SGSH: variants seen among roughly 807,000 people sequenced by gnomAD.
SGSH encodes heparan sulfate sulfatase.
SGSH carries 48 observed loss-of-function variants against 51.0 expected under a neutral mutation model. That is an observed-to-expected ratio of 0.94 (90% CI 0.75 to 1.20). SGSH has a LOEUF of 1.20. SGSH is among the 50% of genes most tolerant of loss of function. SGSH has a pLI of 0.00. For synonymous variants in SGSH, 321 were observed against 313.4 expected (o/e 1.02, Z -0.26); for missense variants, 662 against 717.8 (o/e 0.92, Z 0.89).
Position 80,214,233 on chromosome 17 carries a change from T to C in SGSH, c.602A>G (p.Glu201Gly). 1.9e-6 allele frequency: 3 copies of C among 1,613,076 alleles called. No homozygotes were observed. The highest frequency in any genetic ancestry group is 2.5e-6 in the Non-Finnish European group (3 of 1,179,986). Residue 201 changes from glutamate to glycine, a missense_variant, in exon 5 of 8, where the codon GAG (glutamate) becomes GGG (glycine). Physicochemically the swap from Glu to Gly is moderately conservative, Grantham distance 98 (BLOSUM62 -2). Transcript: ENST00000326317. ...GTFCEKFGNG[E>G]SGMGRIPDWT... ...GTCTGGGATACGACCCATGCCGCTC[T>C]CTCCGTTGCCAAACTTCTCACAGAA...
At chr17:80,218,702 G>A (rs148180969) in intron 1 of SGSH, among the ~76,000 whole-genome samples, 6 of 152,194 alleles carry the variant, frequency 3.9e-5, no homozygotes, top group East Asian at 1.9e-4. Flanking sequence ...AGAGTGTCTC[G>A]GCACTTGGCT....
At chr17:80,201,712 G>A in the SGSH span, 6 of 1,613,056 alleles carry the variant, frequency 3.7e-6, no homozygotes, top group Non-Finnish European at 5.1e-6. This position sits in a 1 kb window ranked among gnomAD's most constrained non-coding sequence, Gnocchi z 5.0. Flanking sequence ...AGTCCCGGGG[G>A]AAAGAGACTG....
At chr17:80,201,764 G>A, downstream of SGSH, 1 of 1,614,074 alleles carries the variant, frequency 6.2e-7, no homozygotes, top group Non-Finnish European at 8.5e-7. The surrounding 1 kb of genome is among the most constrained non-coding windows in gnomAD (Gnocchi z 5.0). Flanking sequence ...AAGCCTCAGA[G>A]CCCTTGTTCA....
In SGSH at chr17:80,220,301, C is replaced by T; in HGVS notation, c.13G>A (p.Val5Met). The T allele has an allele frequency of 6.6e-7, 1 of 1,505,462 alleles. No individual in the cohort carries two copies. The highest frequency in any genetic ancestry group is 1.2e-5 in the South Asian group (1 of 81,032). 93.3% of individuals were successfully genotyped at this position (1,505,462 alleles called of 1,614,324 possible). A position where few individuals can be genotyped will look rare whatever the true frequency, so the allele number is the denominator to read the frequency against. The change falls in exon 1 of 8, where the codon GTG (valine) becomes ATG (methionine). Residue 5 changes from valine (V) to methionine (M), a missense_variant. Coordinates refer to ENST00000326317, the MANE Select transcript of SGSH (RefSeq NM_000199.5). ...AGCAGCAGCGCGCAGCAGGCGGGCA[C>T]GGGGCAGCTCATGGCGGCGGCGGCT... is the stretch of plus-strand genomic sequence containing the variant. MSCP[V>M]PACCALLLVL...
intron 5 of SGSH, 118 bp downstream of exon 5, chr17:80,214,054 C>T (rs1207754764): frequency 1.8e-5 from 25 of 1,418,800 alleles, no homozygotes; most frequent in East Asian, 2.5e-5. Flanking sequence ...AACCTGAATC[C>T]GATTTGGTCA....
At chr17:80,202,346 C>T (rs570013402), downstream of SGSH, 2 of 1,613,514 alleles carry the variant, frequency 1.2e-6, no homozygotes, top group South Asian at 2.2e-5. Flanking sequence ...GCTGCGGCTG[C>T]TGGCATGCCC....
At chr17:80,208,793 C>T (rs117163845), downstream of SGSH, 486 of 154,702 alleles carry the variant, frequency 3.1e-3, 4 homozygotes, top group Middle Eastern at 0.01. Context: ...GCGGGTGGGG[C>T]GCCTGGGTGG....
rs2041706665 is a variant in SGSH at position 80,212,407 on chromosome 17, A to G, written c.746-133T>C. On this transcript the variant is annotated intron_variant, in intron 6 of 7. Coordinates refer to ENST00000326317, the MANE Select transcript of SGSH (RefSeq NM_000199.5). This position sits in a 1 kb window ranked among gnomAD's most constrained non-coding sequence, Gnocchi z 5.9. Reference sequence around the variant, plus strand: ...CTTTCCGGATTCGAAAGCACCCTGTAGTTCTTCCCAATGGCCCTGGCTCTT... The same window carrying G: ...CTTTCCGGATTCGAAAGCACCCTGTGGTTCTTCCCAATGGCCCTGGCTCTT... 2.6e-6 allele frequency: 2 copies of G among 778,244 alleles called. No individual in the cohort carries two copies. The highest frequency in any genetic ancestry group is 2.9e-5 in the South Asian group (2 of 67,914). 48.2% of individuals were successfully genotyped at this position (778,244 alleles called of 1,614,324 possible). A position where few individuals can be genotyped will look rare whatever the true frequency, so the allele number is the denominator to read the frequency against.
downstream of SGSH, chr17:80,203,060 G>C (rs2041073591): frequency 6.6e-6 from 1 of 152,482 alleles, no homozygotes; most frequent in South Asian, 2.1e-4. This position sits in a 1 kb window ranked among gnomAD's most constrained non-coding sequence, Gnocchi z 4.6. Context: ...CTGAGGTCAG[G>C]AGTTCGAGAC....
downstream of SGSH, chr17:80,208,546 C>T: frequency 1.9e-6 from 1 of 513,440 alleles, no homozygotes; most frequent in South Asian, 3.3e-5. Flanking sequence ...GCACACTTTT[C>T]TGTGGAAACA....
intron 3 of SGSH, 54 bp from the exon 4 acceptor site, chr17:80,214,819 G>C (rs761731699): frequency 4.0e-5 from 64 of 1,592,520 alleles, no homozygotes; most frequent in Non-Finnish European, 5.4e-5. Flanking sequence ...AACCCTTTCT[G>C]CTCCCTTCTC....
intron 1 of SGSH, 196 bp downstream of exon 1, chr17:80,220,030 C>T (rs534462641): frequency 8.3e-4 from 416 of 500,056 alleles, no homozygotes; most frequent in Non-Finnish European, 1.3e-3. Context: ...ACTCCTCCAG[C>T]CTTTGCTGCC....
downstream of SGSH, chr17:80,208,068 C>G (rs891985244): frequency 8.1e-7 from 1 of 1,241,328 alleles, no homozygotes; most frequent in African/African-American, 1.5e-5. Flanking sequence ...CATGTCATCA[C>G]TACCCTAGCC....
chr17:80,205,267 C>T, downstream of SGSH: 1 of 1,339,452 alleles, frequency 7.5e-7, no homozygotes, highest in South Asian at 1.3e-5. Context: ...TCCTCCCCTT[C>T]CTCCCTCCTT....
At chr17:80,203,756 G>A (rs923228143), downstream of SGSH, 14 of 1,300,202 alleles carry the variant, frequency 1.1e-5, no homozygotes, top group East Asian at 2.5e-5. This position sits in a 1 kb window ranked among gnomAD's most constrained non-coding sequence, Gnocchi z 4.6. Flanking sequence ...TCCCCTGCTC[G>A]GCTCTCCCCT....
At chr17:80,205,031 A>G (rs11653893), downstream of SGSH, 741,596 of 1,571,222 alleles carry the variant, frequency 0.47, 180,221 homozygotes, top group East Asian at 0.55. Context: ...CCTCTCCTCC[A>G]CAGGCTCCAG....
chr17:80,211,421 G>A (rs1179833363), intron 7 of SGSH: 4 of 313,706 alleles, frequency 1.3e-5, no homozygotes, highest in African/African-American at 6.5e-5. Flanking sequence ...GCTGTCCCGG[G>A]CCCACCCCAC....
chr17:80,213,886 C>A lies in SGSH; in HGVS notation c.664-1G>T, dbSNP rs1555621425. On this transcript the variant is annotated splice_acceptor_variant, in intron 5 of 7. Transcript: ENST00000326317. LOFTEE classifies it high-confidence loss of function. The surrounding 1 kb of genome is among the most constrained non-coding windows in gnomAD (Gnocchi z 4.6). ...GGGTGTTGGGGACGAAGTAAGGCACCTGGGGCAGGCGGTGGGGAGCCAGGC... is the reference window on the plus strand; with the variant it reads ...GGGTGTTGGGGACGAAGTAAGGCACATGGGGCAGGCGGTGGGGAGCCAGGC... 6.2e-7 allele frequency: 1 copy of A among 1,605,500 alleles called. No individual in the cohort carries two copies. Among genetic ancestry groups the A allele is most frequent in the Non-Finnish European group, 8.5e-7 (1 of 1,178,812 alleles).
downstream of SGSH, chr17:80,205,483 A>G: frequency 6.4e-7 from 1 of 1,563,500 alleles, no homozygotes; most frequent in Non-Finnish European, 8.7e-7. Context: ...ACTCCCCCAG[A>G]CCCCCACACA....
Sources: gnomAD v4.1 joint callset for allele counts (sites outside exome capture counted in the v4.1 genomes callset) on GRCh38, gnomAD v4.1.1 for gene constraint, Gnocchi (gnomAD v3.1) non-coding constraint, MANE v1.5 for transcripts, NCBI Gene and HGNC (gene_info 2026-07-23, HGNC 2026-07-21) for gene names.